Variants in ACSL6 observed in about 807,000 individuals in gnomAD.
ACSL6 encodes the protein acyl-CoA synthetase long chain family member 6.
Under a neutral mutation model 98.2 loss-of-function variants are expected in ACSL6, and 47 were observed. That is an observed-to-expected ratio of 0.48 (90% CI 0.38 to 0.61). ACSL6 has a LOEUF of 0.61. ACSL6 is among the 20% of genes least tolerant of loss of function. ACSL6 has a pLI of 0.00. For missense variants in ACSL6, 761 were observed against 913.4 expected (o/e 0.83, Z 2.15); for synonymous variants, 362 against 336.9 (o/e 1.07, Z -0.82).
chr5:131,953,814 A>G lies in ACSL6; in HGVS notation c.*420T>C, dbSNP rs1299820545. The G allele has an allele frequency of 5.1e-6, 1 of 195,164 alleles. No homozygotes were observed. Among genetic ancestry groups the G allele is most frequent in the Admixed American group, 6.1e-5 (1 of 16,402 alleles). The allele number at this position is 195,164 out of a possible 1,614,324, so 12.1% of individuals were successfully genotyped here. ...GTCTGATTTAATTGTGATTTTGACAATCAGTTACTGAATGAGGTAGTCCAC... is the reference window on the plus strand; with the variant it reads ...GTCTGATTTAATTGTGATTTTGACAGTCAGTTACTGAATGAGGTAGTCCAC... On this transcript the variant is annotated 3_prime_UTR_variant, in exon 21 of 21. Coordinates refer to ENST00000651883, the MANE Select transcript of ACSL6 (RefSeq NM_001009185.3).
intron 2 of ACSL6, among the ~76,000 whole-genome samples, chr5:131,992,359 G>T (rs975975209): frequency 2.6e-5 from 4 of 152,150 alleles, no homozygotes; most frequent in Admixed American, 2.6e-4. Flanking sequence ...CCACCACACA[G>T]CAGGCACAGT....
chr5:131,976,686 C>G lies in ACSL6; in HGVS notation c.952G>C (p.Val318Leu), dbSNP rs375566990. 1 of 1,614,200 alleles carries G rather than the reference C, an allele frequency of 6.2e-7. No homozygotes were observed. Among genetic ancestry groups the G allele is most frequent in the African/African-American group, 1.3e-5 (1 of 75,062 alleles). The change falls in exon 10 of 21, where the codon GTG (valine) becomes CTG (leucine). Residue 318 changes from valine to leucine, a missense_variant. Transcript: ENST00000651883. ...AGAAAGCCTGAGAAATCAGCCACCACGTTCCCATGGGTGAGCATCGCACCT... is the reference window on the plus strand; with the variant it reads ...AGAAAGCCTGAGAAATCAGCCACCAGGTTCCCATGGGTGAGCATCGCACCT... ...PKGAMLTHGNVVADFSGFLKV... is the reference protein window; with the variant it reads ...PKGAMLTHGNLVADFSGFLKV...
chr5:131,994,330 A>G (rs1393034677), intron 1 of ACSL6, 79 bp from the exon 2 acceptor site: 9 of 1,243,918 alleles, frequency 7.2e-6, no homozygotes, highest in Non-Finnish European at 1.0e-5. Context: ...AGGACCTGAT[A>G]TCTGGTCTGA....
At chr5:131,994,311 C>G in intron 1 of ACSL6, 60 bp from the exon 2 acceptor site, 1 of 1,440,898 alleles carries the variant, frequency 6.9e-7, no homozygotes, top group South Asian at 1.2e-5. Context: ...GGGAGGGGTC[C>G]TGGGTCACAG....
chr5:131,966,635 A>G, intron 16 of ACSL6, 103 bp from the exon 17 acceptor site: 1 of 983,158 alleles, frequency 1.0e-6, no homozygotes, highest in Non-Finnish European at 1.6e-6. Flanking sequence ...ACCCATCAGG[A>G]AAGCCACTGT....
Position 131,954,023 on chromosome 5 carries a change from T to C in ACSL6, c.*211A>G, listed in dbSNP as rs931854268. ...TTGCCATTTGTGATATTTTTAGCAG[T>C]CCACCACAATATCATTTTTATAATA... On this transcript the variant is annotated 3_prime_UTR_variant, in exon 21 of 21. Coordinates refer to ENST00000651883, the MANE Select transcript of ACSL6 (RefSeq NM_001009185.3). 2 of 372,638 alleles carry C rather than the reference T, an allele frequency of 5.4e-6. No homozygotes were observed. The highest frequency in any genetic ancestry group is 9.3e-6 in the Non-Finnish European group (2 of 215,702). 23.1% of individuals were successfully genotyped at this position (372,638 alleles called of 1,614,324 possible).
At chr5:131,991,218 C>T (rs1754495412) in intron 2 of ACSL6, among the ~76,000 whole-genome samples, 1 of 152,224 alleles carries the variant, frequency 6.6e-6, no homozygotes, top group African/African-American at 2.4e-5. Flanking sequence ...TCCCCACATA[C>T]AAACTCCACA....
intron 11 of ACSL6, chr5:131,974,637 CT>C (rs1753516076): frequency 8.6e-7 from 1 of 1,158,880 alleles, no homozygotes; most frequent in East Asian, 2.6e-5. Context: ...CCTCTGACCC[CT>C]ATGGTACCTT....
intron 5 of ACSL6, 63 bp downstream of exon 5, chr5:131,989,342 CTA>C (rs1754377347): frequency 6.8e-6 from 10 of 1,464,904 alleles, no homozygotes; most frequent in Middle Eastern, 1.8e-4. Flanking sequence ...GAAAGCAGGA[CTA>C]TTCCATGGCA....
At chr5:131,986,756 G>A in intron 8 of ACSL6, 66 bp downstream of exon 8, 2 of 1,570,708 alleles carry the variant, frequency 1.3e-6, no homozygotes. Flanking sequence ...CACAGTGAGG[G>A]ACTCTGTGAG....
chr5:131,974,600 A>C (rs1753512716), intron 11 of ACSL6, among the ~76,000 whole-genome samples: 1 of 152,124 alleles, frequency 6.6e-6, no homozygotes, highest in South Asian at 2.1e-4. Flanking sequence ...CAGGAGGGAC[A>C]AGTGGGGTGG....
intron 12 of ACSL6, 104 bp from the exon 13 acceptor site, chr5:131,972,962 C>T: frequency 6.6e-7 from 1 of 1,516,970 alleles, no homozygotes; most frequent in Non-Finnish European, 9.0e-7. Context: ...AAGCCATGTT[C>T]CATTTTGCCC....
chr5:132,009,562 A>G (rs768798681), intron 1 of ACSL6, among the ~76,000 whole-genome samples: 4 of 152,228 alleles, frequency 2.6e-5, no homozygotes, highest in Non-Finnish European at 5.9e-5. Context: ...AATAAGCACC[A>G]TAGACCAGCC....
rs571624886 is a variant in ACSL6, at chr5:131,988,485, C to T, written c.653-259G>A. ...TGTTCCAGGCTCTGCCCCCATCATC[C>T]CAGGTCTGTTTGAGATATTTACCAC... On this transcript the variant is annotated intron_variant, in intron 6 of 20. Transcript: ENST00000651883. 8.3e-6 allele frequency: 13 copies of T among 1,572,960 alleles called. No homozygotes were observed. In the African/African-American group the frequency reaches 1.5e-4, roughly 18 times the overall value.
Position 131,952,637 on chromosome 5 carries a change from G to A in ACSL6, c.*1597C>T. On this transcript the variant is annotated 3_prime_UTR_variant, in exon 21 of 21. Transcript: ENST00000651883. ...CCTGGGGTCCATGCCTTTTTCAGAG[G>A]CACAATCTATAGCTTGGAACTTAAT... 1 of 212,838 alleles carries A rather than the reference G, an allele frequency of 4.7e-6. No homozygotes were observed. The allele number at this position is 212,838 out of a possible 1,614,324, so 13.2% of individuals were successfully genotyped here.
intron 6 of ACSL6, 80 bp from the exon 7 acceptor site, chr5:131,988,306 C>T (rs1754309237): frequency 6.0e-6 from 9 of 1,512,518 alleles, no homozygotes; most frequent in Non-Finnish European, 8.2e-6. Context: ...GCAGCACATG[C>T]CAGGCAGCAC....
chr5:131,968,253 C>G, intron 15 of ACSL6: 2 of 495,922 alleles, frequency 4.0e-6, no homozygotes, highest in Non-Finnish European at 7.3e-6. Flanking sequence ...ACATCCGATT[C>G]TTAATAAGCA....
intron 2 of ACSL6, among the ~76,000 whole-genome samples, chr5:131,992,337 C>A (rs1019869995): frequency 1.3e-5 from 2 of 152,140 alleles, no homozygotes; most frequent in Admixed American, 6.5e-5. Flanking sequence ...GTGACAAGAT[C>A]TGAATTATTT....
chr5:131,975,747 G>C lies in ACSL6; in HGVS notation c.991-777C>G, dbSNP rs1753579325. 3.0e-6 allele frequency: 3 copies of C among 985,360 alleles called. No homozygotes were observed. The South Asian group carries it at 1.4e-4, about 46-fold the overall frequency. 61.0% of individuals were successfully genotyped at this position (985,360 alleles called of 1,614,324 possible). A position where few individuals can be genotyped will look rare whatever the true frequency, so the allele number is the denominator to read the frequency against. On this transcript the variant is annotated intron_variant, in intron 10 of 20. Transcript: ENST00000651883. ...CTCCAGCCAGGGGAGCCCTGCACAA[G>C]GCTTGGGATCTGGGTGGGCTGTGCC...
Sources: allele counts gnomAD v4.1 joint callset (sites outside exome capture counted in the v4.1 genomes callset), GRCh38; gene constraint gnomAD v4.1.1; transcripts MANE v1.5; gene names NCBI Gene and HGNC (gene_info 2026-07-23, HGNC 2026-07-21).